CARMIL1: variants seen among roughly 807,000 people sequenced by gnomAD.
The protein encoded by CARMIL1 is capping protein regulator and myosin 1 linker 1, also known as F-actin-uncapping protein LRRC16A.
Under a neutral mutation model 177.1 loss-of-function variants are expected in CARMIL1, and 90 were observed. That is an observed-to-expected ratio of 0.51 (90% confidence interval 0.43 to 0.61). The LOEUF (loss-of-function observed/expected upper bound fraction) is 0.61, where lower values mean the gene tolerates loss of function less well. CARMIL1 is among the 20% of genes least tolerant of loss of function. The probability of loss-of-function intolerance (pLI) is 0.00; values close to 1 mark genes in which losing one functional copy is unlikely to be tolerated. For missense variants in CARMIL1, 1,380 were observed against 1,667.0 expected (o/e 0.83, Z 3.00); for synonymous variants, 577 against 606.2 (o/e 0.95, Z 0.71).
At chr6:25,402,039 A>G (rs1793932190) in intron 2 of CARMIL1, among the ~76,000 whole-genome samples, 1 of 147,078 alleles carries the variant, frequency 6.8e-6, no homozygotes, top group Non-Finnish European at 1.5e-5. Flanking sequence ...ATGCCTTCCT[A>G]ATTTCTCTTC....
intron 5 of CARMIL1, among the ~76,000 whole-genome samples, chr6:25,437,499 C>T (rs1450386721): frequency 1.3e-5 from 2 of 152,164 alleles, no homozygotes; most frequent in Non-Finnish European, 2.9e-5. Flanking sequence ...GTATTAATCA[C>T]CTCTGTTTCT....
Position 25,281,129 on chromosome 6 carries a change from C to T in CARMIL1, c.40+1294C>T, listed in dbSNP as rs10678293. Among the ~76,000 whole-genome samples, 287 of 32,684 alleles carry T rather than the reference C, an allele frequency of 8.8e-3. 1 individual carries two copies. The highest frequency in any genetic ancestry group is 0.025 in the South Asian group (16 of 646). 21.4% of individuals were successfully genotyped at this position (32,684 alleles called of 152,430 possible). A position where few individuals can be genotyped will look rare whatever the true frequency, so the allele number is the denominator to read the frequency against. ...TTATTCACAGACGCACGCGCGTGTG[C>T]GCGCGCGCACACACACACACACACA... is the stretch of plus-strand genomic sequence containing the variant. On this transcript the variant is annotated intron_variant, in intron 1 of 36. Transcript: ENST00000329474.
intron 2 of CARMIL1, among the ~76,000 whole-genome samples, chr6:25,418,474 T>G (rs572958757): frequency 1.3e-5 from 2 of 152,114 alleles, no homozygotes; most frequent in East Asian, 3.9e-4. Flanking sequence ...CTGGCCATAC[T>G]TCATCCCTGT....
chr6:25,293,148 T>A (rs1050391056), intron 2 of CARMIL1, among the ~76,000 whole-genome samples: 6 of 151,494 alleles, frequency 4.0e-5, no homozygotes, highest in African/African-American at 1.2e-4. Context: ...ATATATGGGG[T>A]ATATCATTGT....
At chr6:25,521,820 T>A (rs555871093) in intron 23 of CARMIL1, among the ~76,000 whole-genome samples, 14 of 149,246 alleles carry the variant, frequency 9.4e-5, no homozygotes, top group African/African-American at 3.5e-4. Flanking sequence ...CCAGTCAGAG[T>A]CGTAGTGGTC....
rs192605900 is a variant in CARMIL1 at position 25,552,862 on chromosome 6, A to C, written c.2505-1147A>C. Among the ~76,000 whole-genome samples, 98 of 152,302 alleles carry C rather than the reference A, an allele frequency of 6.4e-4. 1 individual carries two copies. The highest frequency in any genetic ancestry group is 2.3e-3 in the African/African-American group (95 of 41,572). On this transcript the variant is annotated intron_variant, in intron 27 of 36. Transcript: ENST00000329474. ...AGGAAGTACTTAAAATTAGATTTTC[A>C]GGTCCCTCTGAAAGTTTGGGGTGGG...
intron 4 of CARMIL1, among the ~76,000 whole-genome samples, chr6:25,432,601 A>T (rs1796891632): frequency 6.6e-6 from 1 of 152,192 alleles, no homozygotes; most frequent in Non-Finnish European, 1.5e-5. Context: ...TTTTATAGTT[A>T]TACAATTTTT....
At chr6:25,330,668 A>AT (rs1785531172) in intron 2 of CARMIL1, among the ~76,000 whole-genome samples, 2 of 137,522 alleles carry the variant, frequency 1.5e-5, no homozygotes, top group South Asian at 4.9e-4. Context: ...AGTGAGACGC[A>AT]CCCCCCCGCC....
chr6:25,402,176 GA>G (rs576556220), intron 2 of CARMIL1, among the ~76,000 whole-genome samples: 15 of 145,462 alleles, frequency 1.0e-4, no homozygotes, highest in Middle Eastern at 3.5e-3. Flanking sequence ...ATCTTGGGAG[GA>G]AAAAAAAAAG....
rs556162430 is a variant in CARMIL1 at position 25,612,899 on chromosome 6, G to A, written c.3979+2718G>A. 6.1e-6 allele frequency: 6 copies of A among 985,298 alleles called. No individual in the cohort carries two copies. In the South Asian group the frequency reaches 1.4e-4, roughly 23 times the overall value. The allele number at this position is 985,298 out of a possible 1,614,324, so 61.0% of individuals were successfully genotyped here. ...CAGCCAACAAATGGTTAGAGCCTTCGATTATCATCCCTCACTGACCCGAAG... is the reference window on the plus strand; with the variant it reads ...CAGCCAACAAATGGTTAGAGCCTTCAATTATCATCCCTCACTGACCCGAAG... On this transcript the variant is annotated intron_variant, in intron 36 of 36. Coordinates refer to ENST00000329474, the MANE Select transcript of CARMIL1 (RefSeq NM_017640.6).
intron 16 of CARMIL1, among the ~76,000 whole-genome samples, chr6:25,499,915 T>G (rs1187248560): frequency 6.6e-6 from 1 of 152,186 alleles, no homozygotes; most frequent in Non-Finnish European, 1.5e-5. Flanking sequence ...GGAATAGCAA[T>G]CCTGCAGGTT....
chr6:25,400,935 C>T (rs765437089), intron 2 of CARMIL1, among the ~76,000 whole-genome samples: 1 of 152,086 alleles, frequency 6.6e-6, no homozygotes, highest in Non-Finnish European at 1.5e-5. Flanking sequence ...GCTAACCAAG[C>T]CATCCTTAAG....
chr6:25,386,467 T>A (rs1373096418), intron 2 of CARMIL1, among the ~76,000 whole-genome samples: 1 of 152,112 alleles, frequency 6.6e-6, no homozygotes, highest in African/African-American at 2.4e-5. Context: ...TTGGTGAAAC[T>A]GCTGACCTCA....
chr6:25,538,907 G>A (rs1380135026), intron 25 of CARMIL1, among the ~76,000 whole-genome samples: 1 of 152,050 alleles, frequency 6.6e-6, no homozygotes, highest in Non-Finnish European at 1.5e-5. Context: ...AATCAGTCGT[G>A]TCTATGTAAT....
chr6:25,594,526 A>T lies in CARMIL1; in HGVS notation c.3118A>T (p.Lys1040Ter). 1 of 1,550,668 alleles carries T rather than the reference A, an allele frequency of 6.4e-7. No individual in the cohort carries two copies. Among genetic ancestry groups the T allele is most frequent in the Non-Finnish European group, 8.9e-7 (1 of 1,123,314 alleles). The change falls in exon 32 of 37, where the codon AAG becomes TAG. Residue 1040 changes from lysine to a stop codon, truncating the protein, a stop_gained and splice_region_variant. Transcript: ENST00000329474. LOFTEE classifies it high-confidence loss of function. ...CAAGAAGGTGACCAAAATGGATTCC[A>T]AGTGAGTTCAGAGTAATTTCACTGA... Reference protein sequence around the residue: ...FTKKVTKMDSKKWSTRGSESH... With the variant: ...FTKKVTKMDS
At chr6:25,447,550 T>G (rs1798355166) in intron 5 of CARMIL1, among the ~76,000 whole-genome samples, 1 of 152,178 alleles carries the variant, frequency 6.6e-6, no homozygotes, top group Non-Finnish European at 1.5e-5. Flanking sequence ...AGTTAATATA[T>G]TTATTTCACC....
Position 25,600,785 on chromosome 6 carries a change from A to C in CARMIL1, c.3552+39A>C, listed in dbSNP as rs779693398. 78 of 1,428,302 alleles carry C rather than the reference A, an allele frequency of 5.5e-5. No homozygotes were observed. The African/African-American group carries it at 1.1e-3, about 20-fold the overall frequency. 88.5% of individuals were successfully genotyped at this position (1,428,302 alleles called of 1,614,324 possible). On this transcript the variant is annotated intron_variant, in intron 33 of 36. Coordinates refer to ENST00000329474, the MANE Select transcript of CARMIL1 (RefSeq NM_017640.6). ...TATTTTTAATTCATTCATTTATTTGATATATAATAGATGCACACATTTTCA... is the reference window on the plus strand; with the variant it reads ...TATTTTTAATTCATTCATTTATTTGCTATATAATAGATGCACACATTTTCA...
At chr6:25,453,256 A>AC (rs933221713) in intron 8 of CARMIL1, among the ~76,000 whole-genome samples, 13 of 152,102 alleles carry the variant, frequency 8.5e-5, no homozygotes, top group Non-Finnish European at 1.0e-4. Context: ...TGGAAAAAAA[A>AC]AAACAAACAT....
Position 25,279,468 on chromosome 6 carries a change from G to A in CARMIL1, c.-328G>A, listed in dbSNP as rs900018646. Reference sequence around the variant, plus strand: ...CCGGCCCAAGCCCCGCCGGGGACCAGCGAGCCGGGAGGAGGAGCAGGCGCC... The same window carrying A: ...CCGGCCCAAGCCCCGCCGGGGACCAACGAGCCGGGAGGAGGAGCAGGCGCC... On this transcript the variant is annotated 5_prime_UTR_variant, in exon 1 of 37. Transcript: ENST00000329474. 4 of 438,172 alleles carry A rather than the reference G, an allele frequency of 9.1e-6. No individual in the cohort carries two copies. Among genetic ancestry groups the A allele is most frequent in the Non-Finnish European group, 1.7e-5 (4 of 240,602 alleles). 27.1% of individuals were successfully genotyped at this position (438,172 alleles called of 1,614,324 possible). A position where few individuals can be genotyped will look rare whatever the true frequency, so the allele number is the denominator to read the frequency against.
Sources: allele counts gnomAD v4.1 joint callset (sites outside exome capture counted in the v4.1 genomes callset), GRCh38; gene constraint gnomAD v4.1.1; transcripts MANE v1.5; gene names NCBI Gene and HGNC (gene_info 2026-07-23, HGNC 2026-07-21).